The following YKT6 variants were observed in gnomAD, a reference collection of about 807,000 sequenced individuals.
YKT6 encodes the protein YKT6 vesicular SNARE protein, also known as synaptobrevin homolog YKT6.
YKT6 carries 12 observed loss-of-function variants against 29.3 expected under a neutral mutation model. The ratio of observed to expected loss-of-function variants is 0.41; its 90% confidence interval spans 0.26 to 0.66. The LOEUF (loss-of-function observed/expected upper bound fraction) is 0.66, where lower values mean the gene tolerates loss of function less well. Among genes scored for constraint, YKT6 ranks in the 30% least tolerant of loss-of-function variants. The probability of loss-of-function intolerance (pLI) is 0.32; values close to 1 mark genes in which losing one functional copy is unlikely to be tolerated. For synonymous variants in YKT6, 86 were observed against 94.3 expected, an observed-to-expected ratio of 0.91 and a Z score of 0.51; for missense variants, 188 against 243.8, an observed-to-expected ratio of 0.77 and a Z score of 1.52.
At chr7:44,211,276 G>A (rs2096346586) in intron 6 of YKT6, 152 bp downstream of exon 6, 9 of 801,278 alleles carry the variant, frequency 1.1e-5, no homozygotes, top group African/African-American at 1.7e-5. Context: ...TAAGGTGAGC[G>A]CCTCAGGCCC....
At position 44,213,501 on chromosome 7, in the gene YKT6, G is replaced by A. The variant is rs1431469179; in HGVS notation, c.*1219G>A. 1 of 152,356 alleles carries A rather than the reference G, an allele frequency of 6.6e-6. No individual in the cohort carries two copies. Among genetic ancestry groups the A allele is most frequent in the Non-Finnish European group, 1.5e-5 (1 of 68,132 alleles). 9.4% of individuals were successfully genotyped at this position (152,356 alleles called of 1,614,324 possible). A position where few individuals can be genotyped will look rare whatever the true frequency, so the allele number is the denominator to read the frequency against. On this transcript the variant is annotated 3_prime_UTR_variant, in exon 7 of 7. Transcript: ENST00000223369. ...GGCAACAGGCTGGAGCAGCCCAGGA[G>A]ATGGGCCTAAAATGTTCTGGATCCC...
chr7:44,205,235 A>G (rs553350295), intron 2 of YKT6, among the ~76,000 whole-genome samples: 238 of 152,356 alleles, frequency 1.6e-3, no homozygotes, highest in African/African-American at 5.4e-3. Flanking sequence ...GATTGACTAT[A>G]TACACTTTAT....
intron 2 of YKT6, among the ~76,000 whole-genome samples, chr7:44,205,143 A>T (rs971133474): frequency 5.9e-5 from 9 of 152,236 alleles, no homozygotes; most frequent in African/African-American, 1.9e-4. Context: ...GACAAAGATC[A>T]TCTCACACTT....
chr7:44,201,228 C>G lies in YKT6; in HGVS notation c.93C>G (p.Phe31Leu). 6.2e-7 allele frequency: 1 copy of G among 1,612,294 alleles called. No individual in the cohort carries two copies. Among genetic ancestry groups the G allele is most frequent in the Non-Finnish European group, 8.5e-7 (1 of 1,179,096 alleles). ...AAYDVSSFSF[F>L]QRSSVQEFMT... is the part of the protein sequence containing the mutation. ...ACGATGTGTCTTCCTTCAGCTTTTT[C>G]CAGAGATCCAGGTGAGCGGCACAGG... Residue 31 changes from phenylalanine to leucine, a missense_variant, in exon 1 of 7, where the codon TTC becomes TTG. This residue lies in a region of YKT6 where 71 missense variants were observed against 67.3 expected (regional missense o/e 1.05). Coordinates refer to ENST00000223369, the MANE Select transcript of YKT6 (RefSeq NM_006555.4).
At chr7:44,209,079 G>C (rs887111259) in intron 5 of YKT6, among the ~76,000 whole-genome samples, 1 of 152,160 alleles carries the variant, frequency 6.6e-6, no homozygotes, top group Non-Finnish European at 1.5e-5. Flanking sequence ...CCTGACCAGC[G>C]TATGAGCACT....
chr7:44,209,543 C>T (rs1248082992), intron 5 of YKT6, among the ~76,000 whole-genome samples: 2 of 152,174 alleles, frequency 1.3e-5, no homozygotes, highest in Non-Finnish European at 2.9e-5. Flanking sequence ...TGGATGAGTC[C>T]TATTCACCCA....
Position 44,201,082 on chromosome 7 carries a change from C to G in YKT6, c.-54C>G. 2.0e-6 allele frequency: 3 copies of G among 1,489,734 alleles called. No homozygotes were observed. The highest frequency in any genetic ancestry group is 2.2e-5 in the Admixed American group (1 of 45,750). The allele number at this position is 1,489,734 out of a possible 1,614,324, so 92.3% of individuals were successfully genotyped here. A position where few individuals can be genotyped will look rare whatever the true frequency, so the allele number is the denominator to read the frequency against. The stretch of plus-strand genomic sequence containing the variant: ...CCCGAGGGGCGGCGGCCGCGCTGCT[C>G]CCTGAGAACGGGTCCCGCAGCTGGG... On this transcript the variant is annotated 5_prime_UTR_variant, in exon 1 of 7. Transcript: ENST00000223369.
intron 1 of YKT6, among the ~76,000 whole-genome samples, chr7:44,201,513 A>G (rs187931691): frequency 5.1e-4 from 78 of 152,316 alleles, no homozygotes; most frequent in African/African-American, 1.9e-3. Flanking sequence ...AGGAACCAAC[A>G]TTAGCTCTTT....
chr7:44,206,670 C>T (rs1469139206), intron 3 of YKT6, among the ~76,000 whole-genome samples, 185 bp downstream of exon 3: 2 of 152,158 alleles, frequency 1.3e-5, no homozygotes, highest in Admixed American at 6.5e-5. Context: ...GGGTTTCCTC[C>T]CCGGTGCTGT....
At chr7:44,202,216 A>G (rs2096336541) in intron 1 of YKT6, among the ~76,000 whole-genome samples, 1 of 151,684 alleles carries the variant, frequency 6.6e-6, no homozygotes, top group Admixed American at 6.6e-5. Flanking sequence ...CTGGATGTAA[A>G]AAAAAAAAAA....
chr7:44,204,127 G>A (rs2096338541), intron 1 of YKT6, among the ~76,000 whole-genome samples: 1 of 152,226 alleles, frequency 6.6e-6, no homozygotes, highest in Non-Finnish European at 1.5e-5. Context: ...GGTCTGTCAT[G>A]TGGACACAGC....
At position 44,201,062 on chromosome 7, in the gene YKT6, G is replaced by A; in HGVS notation, c.-74G>A. ...GGCCGGTAGGCGGCGGCGGTCCCGA[G>A]GGGCGGCGGCCGCGCTGCTCCCTGA... On this transcript the variant is annotated 5_prime_UTR_variant, in exon 1 of 7. Coordinates refer to ENST00000223369, the MANE Select transcript of YKT6 (RefSeq NM_006555.4). The A allele has an allele frequency of 7.4e-7, 1 of 1,356,694 alleles. No homozygotes were observed. The highest frequency in any genetic ancestry group is 9.9e-7 in the Non-Finnish European group (1 of 1,013,942). The allele number at this position is 1,356,694 out of a possible 1,614,324, so 84.0% of individuals were successfully genotyped here. A position where few individuals can be genotyped will look rare whatever the true frequency, so the allele number is the denominator to read the frequency against.
In YKT6 at chr7:44,211,260, A is replaced by G. The variant is rs1029477753; in HGVS notation, c.561+136A>G. 7.9e-6 allele frequency: 7 copies of G among 891,038 alleles called. No homozygotes were observed. The Admixed American group carries it at 1.0e-4, about 13-fold the overall frequency. 55.2% of individuals were successfully genotyped at this position (891,038 alleles called of 1,614,324 possible). A position where few individuals can be genotyped will look rare whatever the true frequency, so the allele number is the denominator to read the frequency against. On this transcript the variant is annotated intron_variant, in intron 6 of 6. Coordinates refer to ENST00000223369, the MANE Select transcript of YKT6 (RefSeq NM_006555.4). ...ATGGTGGATGATTCCTTGTGCGGCA[A>G]GAGCCTAAGGTGAGCGCCTCAGGCC...
chr7:44,212,567 T>G lies in YKT6; in HGVS notation c.*285T>G. 2.4e-6 allele frequency: 1 copy of G among 421,384 alleles called. No homozygotes were observed. Among genetic ancestry groups the G allele is most frequent in the Non-Finnish European group, 4.2e-6 (1 of 237,160 alleles). The allele number at this position is 421,384 out of a possible 1,614,324, so 26.1% of individuals were successfully genotyped here. ...GCTTCTGTAGATGCCAAAGGGCTCT[T>G]TTTCAGCTAACCCTGGGAAGGCTCT... On this transcript the variant is annotated 3_prime_UTR_variant, in exon 7 of 7. Transcript: ENST00000223369.
intron 4 of YKT6, 59 bp from the exon 5 acceptor site, chr7:44,208,074 G>A (rs187358263): frequency 6.4e-7 from 1 of 1,568,682 alleles, no homozygotes; most frequent in Admixed American, 1.7e-5. Context: ...CTCAGTTTTA[G>A]GTTTTGTTTG....
chr7:44,202,507 G>T (rs1180798668), intron 1 of YKT6, among the ~76,000 whole-genome samples: 1 of 152,164 alleles, frequency 6.6e-6, no homozygotes, highest in Non-Finnish European at 1.5e-5. Context: ...GGCGACCTTA[G>T]ATAAATGGAA....
rs778350512 is a variant in YKT6, at chr7:44,214,118, G to C, written c.*1836G>C. ...AGCCCCTGCCTTGCAGGGCGGGCTG[G>C]CTTGACTCAGGCCCTGTGAGATAGA... On this transcript the variant is annotated 3_prime_UTR_variant, in exon 7 of 7. Transcript: ENST00000223369. 5.9e-5 allele frequency: 9 copies of C among 152,238 alleles called. No individual in the cohort carries two copies. Among genetic ancestry groups the C allele is most frequent in the Non-Finnish European group, 1.2e-4 (8 of 68,046 alleles). The allele number at this position is 152,238 out of a possible 1,614,324, so 9.4% of individuals were successfully genotyped here.
intron 3 of YKT6, 24 bp downstream of exon 3, chr7:44,206,509 T>C: frequency 6.3e-7 from 1 of 1,596,910 alleles, no homozygotes; most frequent in Non-Finnish European, 8.6e-7. Flanking sequence ...TTGCCTCTCC[T>C]GGACTTGGAT....
At chr7:44,205,649 C>G (rs527701195) in intron 2 of YKT6, among the ~76,000 whole-genome samples, 1 of 152,340 alleles carries the variant, frequency 6.6e-6, no homozygotes, top group Admixed American at 6.5e-5. Flanking sequence ...GTAATCCTTA[C>G]ATTTCTCTTT....
Sources: gnomAD v4.1 joint callset for allele counts (sites outside exome capture counted in the v4.1 genomes callset) on GRCh38, gnomAD v4.1.1 for gene constraint, gnomAD v4.1.1 regional missense constraint, MANE v1.5 for transcripts, NCBI Gene and HGNC (gene_info 2026-07-23, HGNC 2026-07-21) for gene names.